TBC1D5: variants seen among roughly 807,000 people sequenced by gnomAD.
TBC1D5 encodes the protein TBC1 domain family, member 5.
A neutral mutation model predicts 100.3 loss-of-function variants in TBC1D5; 75 were observed. The ratio of observed to expected loss-of-function variants is 0.75; its 90% CI spans 0.62 to 0.91. The LOEUF (loss-of-function observed/expected upper bound fraction) is 0.91. Among genes scored for constraint, TBC1D5 ranks in the 40% least tolerant of loss-of-function variants. TBC1D5 has a pLI of 0.00. For missense variants in TBC1D5, 910 were observed against 942.4 expected, an observed-to-expected ratio of 0.97 and a Z score of 0.45; for synonymous variants, 323 against 325.6, an observed-to-expected ratio of 0.99 and a Z score of 0.09.
At chr3:17,279,331 C>T (rs2596680) in intron 15 of TBC1D5, among the ~76,000 whole-genome samples, 4 of 151,842 alleles carry the variant, frequency 2.6e-5, no homozygotes, top group African/African-American at 4.8e-5. Flanking sequence ...GGGGACATGG[C>T]GACACCAACA....
At chr3:17,689,610 G>T (rs1379171772) in intron 1 of TBC1D5, among the ~76,000 whole-genome samples, 2 of 151,844 alleles carry the variant, frequency 1.3e-5, no homozygotes, top group Non-Finnish European at 2.9e-5. Context: ...GTATAATTCA[G>T]ACAATGTATA....
intron 8 of TBC1D5, among the ~76,000 whole-genome samples, chr3:17,393,908 G>A (rs1475213728): frequency 3.3e-5 from 5 of 152,128 alleles, no homozygotes; most frequent in Non-Finnish European, 4.4e-5. Context: ...CAGGACACAG[G>A]CATGGACAAA....
chr3:17,371,067 A>C (rs1400494686), intron 13 of TBC1D5, among the ~76,000 whole-genome samples: 1 of 146,164 alleles, frequency 6.8e-6, no homozygotes, highest in Non-Finnish European at 1.5e-5. Flanking sequence ...CACTGAAAAA[A>C]TACACACACA....
intron 15 of TBC1D5, among the ~76,000 whole-genome samples, chr3:17,262,220 T>C (rs1307489787): frequency 2.6e-5 from 4 of 152,190 alleles, no homozygotes; most frequent in Non-Finnish European, 4.4e-5. Flanking sequence ...ATACAGCTCA[T>C]TGACCCCAGG....
intron 2 of TBC1D5, among the ~76,000 whole-genome samples, chr3:17,582,632 A>C (rs1357999182): frequency 6.6e-6 from 1 of 151,968 alleles, no homozygotes; most frequent in Non-Finnish European, 1.5e-5. Context: ...AACTTTACCA[A>C]AATGTTATTT....
chr3:17,735,356 G>A (rs1321512752), intron 1 of TBC1D5, among the ~76,000 whole-genome samples: 5 of 152,162 alleles, frequency 3.3e-5, no homozygotes, highest in African/African-American at 9.7e-5. Context: ...GAGTAATATC[G>A]TATTAGGTGA....
chr3:17,212,747 A>G (rs1479753220), intron 18 of TBC1D5, among the ~76,000 whole-genome samples: 1 of 152,128 alleles, frequency 6.6e-6, no homozygotes, highest in Non-Finnish European at 1.5e-5. Flanking sequence ...AAAAAAATTT[A>G]AAAATAGAAA....
intron 2 of TBC1D5, among the ~76,000 whole-genome samples, chr3:17,568,347 C>G (rs1423609869): frequency 2.0e-5 from 3 of 151,284 alleles, no homozygotes; most frequent in Non-Finnish European, 4.4e-5. Flanking sequence ...ACCACATTAA[C>G]ATAGTTTGGT....
intron 18 of TBC1D5, among the ~76,000 whole-genome samples, chr3:17,189,388 T>C (rs1258539364): frequency 6.6e-6 from 1 of 152,018 alleles, no homozygotes; most frequent in Non-Finnish European, 1.5e-5. Context: ...AGGCAAGAAA[T>C]TGATAGAGGA....
chr3:17,191,977 A>G (rs1407272227), intron 18 of TBC1D5, among the ~76,000 whole-genome samples: 1 of 152,132 alleles, frequency 6.6e-6, no homozygotes, highest in Non-Finnish European at 1.5e-5. Context: ...GACATATCAC[A>G]TACTAATTGG....
At chr3:17,529,169 G>C (rs1192424573) in intron 2 of TBC1D5, among the ~76,000 whole-genome samples, 3 of 151,528 alleles carry the variant, frequency 2.0e-5, no homozygotes. Context: ...ATTTCTAAGA[G>C]AATCTACAAG....
chr3:17,263,017 A>G (rs2078473162), intron 15 of TBC1D5, among the ~76,000 whole-genome samples: 1 of 151,900 alleles, frequency 6.6e-6, no homozygotes, highest in Non-Finnish European at 1.5e-5. Context: ...GCTTGAGGCC[A>G]GGAGTTTGAG....
chr3:17,302,732 T>C (rs1195878857), intron 14 of TBC1D5, among the ~76,000 whole-genome samples: 1 of 152,154 alleles, frequency 6.6e-6, no homozygotes, highest in Non-Finnish European at 1.5e-5. Context: ...AGGCATGTCA[T>C]CACGGAAGGA....
chr3:17,411,254 T>C (rs2093916799), intron 4 of TBC1D5, among the ~76,000 whole-genome samples: 1 of 152,096 alleles, frequency 6.6e-6, no homozygotes. Context: ...ATATATTTTT[T>C]AGATATATGC....
intron 2 of TBC1D5, among the ~76,000 whole-genome samples, chr3:17,566,686 T>C (rs1340725404): frequency 1.3e-5 from 2 of 151,886 alleles, no homozygotes. Context: ...CTCTCCTCTG[T>C]TTTACTGTCT....
chr3:17,641,474 C>T (rs548323107), intron 1 of TBC1D5, among the ~76,000 whole-genome samples: 1 of 152,056 alleles, frequency 6.6e-6, no homozygotes, highest in South Asian at 2.1e-4. Context: ...AAAGTGGGGA[C>T]CTAACTCATA....
At chr3:17,384,116 A>G in intron 8 of TBC1D5, 101 bp from the exon 9 acceptor site, 2 of 991,318 alleles carry the variant, frequency 2.0e-6, no homozygotes, top group Non-Finnish European at 3.0e-6. Context: ...TTCAGGTTTT[A>G]GAACAAGCCT....
intron 2 of TBC1D5, among the ~76,000 whole-genome samples, chr3:17,537,960 C>A (rs1051021077): frequency 2.6e-5 from 4 of 152,108 alleles, no homozygotes; most frequent in African/African-American, 9.7e-5. Context: ...GGCTACAGCT[C>A]AGTTTTATAC....
chr3:17,350,851 C>T (rs1367532240), intron 13 of TBC1D5, among the ~76,000 whole-genome samples: 1 of 152,100 alleles, frequency 6.6e-6, no homozygotes, highest in Non-Finnish European at 1.5e-5. Context: ...TCAATTCAGG[C>T]TGCTATACAA....
Sources: gnomAD v4.1 joint callset for allele counts (sites outside exome capture counted in the v4.1 genomes callset) on GRCh38, gnomAD v4.1.1 for gene constraint, MANE v1.5 for transcripts, NCBI Gene and HGNC (gene_info 2026-07-23, HGNC 2026-07-21) for gene names.